The following STK39 variants were observed in gnomAD, a reference collection of about 807,000 sequenced individuals.
The protein encoded by STK39 is STE20/SPS1-related proline-alanine-rich protein kinase.
A neutral mutation model predicts 77.8 loss-of-function variants in STK39; 20 were observed. The ratio of observed to expected loss-of-function variants is 0.26; its 90% CI spans 0.18 to 0.37. The LOEUF (loss-of-function observed/expected upper bound fraction) is 0.37, where lower values mean the gene tolerates loss of function less well. Among genes scored for constraint, STK39 ranks in the 10% least tolerant of loss-of-function variants. The pLI, the probability that STK39 is intolerant of heterozygous loss-of-function variation, is 1.00. For missense variants in STK39, 479 were observed against 656.5 expected, an observed-to-expected ratio of 0.73 and a Z score of 2.95; for synonymous variants, 246 against 234.1, an observed-to-expected ratio of 1.05 and a Z score of -0.47.
At chr2:168,136,615 A>G (rs1687849342) in intron 8 of STK39, among the ~76,000 whole-genome samples, 1 of 152,206 alleles carries the variant, frequency 6.6e-6, no homozygotes, top group Non-Finnish European at 1.5e-5. Context: ...ACCATCTATA[A>G]TAACCTAGTA....
intron 12 of STK39, among the ~76,000 whole-genome samples, 200 bp downstream of exon 12, chr2:168,074,782 G>T (rs993269930): frequency 6.6e-6 from 1 of 152,116 alleles, no homozygotes; most frequent in African/African-American, 2.4e-5. Context: ...GAGGAAACAG[G>T]CTCAGAAAGC....
intron 5 of STK39, among the ~76,000 whole-genome samples, chr2:168,147,296 T>C (rs1189438675): frequency 6.6e-6 from 1 of 152,250 alleles, no homozygotes; most frequent in Non-Finnish European, 1.5e-5. Flanking sequence ...AATTGAAATG[T>C]TCTTCTAAAC....
At chr2:168,023,404 C>T (rs1684618679) in intron 14 of STK39, among the ~76,000 whole-genome samples, 1 of 152,016 alleles carries the variant, frequency 6.6e-6, no homozygotes, top group Non-Finnish European at 1.5e-5. Context: ...GGCTAAGAGG[C>T]TGGTAATGCA....
chr2:168,006,584 A>G (rs1416585227), intron 16 of STK39, among the ~76,000 whole-genome samples: 1 of 152,162 alleles, frequency 6.6e-6, no homozygotes, highest in African/African-American at 2.4e-5. Flanking sequence ...AGGGACTCAG[A>G]TTTGGTCTCT....
At chr2:168,048,434 G>T (rs971395577) in intron 14 of STK39, among the ~76,000 whole-genome samples, 6 of 151,966 alleles carry the variant, frequency 3.9e-5, no homozygotes, top group African/African-American at 1.5e-4. Context: ...GGACGGTCTC[G>T]ATCTCCTGAC....
rs558952440 is a variant in STK39 at position 168,122,103 on chromosome 2, C to T, written c.1089+7438G>A. Among the ~76,000 whole-genome samples the T allele has an allele frequency of 9.9e-5, 15 of 152,176 alleles. No homozygotes were observed. The South Asian group carries it at 1.0e-3, about 11-fold the overall frequency. ...TTTACAGGTAAATTACGTGTTGTGG[C>T]GGTTTGGTGTACAGATTATTTCATC... On this transcript the variant is annotated intron_variant, in intron 10 of 17. Transcript: ENST00000355999.
chr2:168,196,193 C>T (rs1689465113), intron 1 of STK39, among the ~76,000 whole-genome samples: 1 of 152,226 alleles, frequency 6.6e-6, no homozygotes, highest in Non-Finnish European at 1.5e-5. Flanking sequence ...ATGATCACCT[C>T]AATTTACATC....
intron 10 of STK39, among the ~76,000 whole-genome samples, chr2:168,106,084 T>C (rs943120828): frequency 2.6e-5 from 4 of 152,214 alleles, no homozygotes; most frequent in African/African-American, 7.2e-5. Context: ...TGCCTCAGCC[T>C]CCTGAGTAGC....
chr2:168,036,766 G>A (rs996451597), intron 14 of STK39, among the ~76,000 whole-genome samples: 1 of 152,192 alleles, frequency 6.6e-6, no homozygotes, highest in African/African-American at 2.4e-5. Context: ...CTTAATGATA[G>A]AGCAAGGGTG....
chr2:168,234,939 G>A (rs1293661316), intron 1 of STK39, among the ~76,000 whole-genome samples: 1 of 150,358 alleles, frequency 6.7e-6, no homozygotes, highest in Non-Finnish European at 1.5e-5. Context: ...AATCACTTGA[G>A]ACCAGGAGTT....
At chr2:168,073,504 G>C (rs924458730) in intron 12 of STK39, among the ~76,000 whole-genome samples, 2 of 152,182 alleles carry the variant, frequency 1.3e-5, no homozygotes, top group African/African-American at 4.8e-5. Flanking sequence ...AGGAGAAATA[G>C]AGTTCATGAT....
chr2:168,234,032 T>A (rs1010203665), intron 1 of STK39, among the ~76,000 whole-genome samples: 2 of 152,264 alleles, frequency 1.3e-5, no homozygotes, highest in African/African-American at 4.8e-5. Flanking sequence ...AAGAGATGAA[T>A]TGACTAGCTT....
chr2:168,240,912 C>A (rs1245622619), intron 1 of STK39, among the ~76,000 whole-genome samples: 4 of 152,184 alleles, frequency 2.6e-5, no homozygotes, highest in Non-Finnish European at 5.9e-5. Flanking sequence ...TGGCACCTAA[C>A]CCTGCAGAGA....
At chr2:168,163,563 T>C (rs1249461127) in intron 4 of STK39, 176 bp downstream of exon 4, 3 of 979,280 alleles carry the variant, frequency 3.1e-6, no homozygotes, top group Non-Finnish European at 3.6e-6. Flanking sequence ...GCCTGCAACA[T>C]GTGTTTCCTT....
At chr2:168,039,088 T>C (rs1012238087) in intron 14 of STK39, among the ~76,000 whole-genome samples, 2 of 152,174 alleles carry the variant, frequency 1.3e-5, no homozygotes, top group East Asian at 1.9e-4. Flanking sequence ...TACATGAATG[T>C]TCATAGCAGC....
At chr2:168,205,687 C>A (rs1239139236) in intron 1 of STK39, among the ~76,000 whole-genome samples, 1 of 151,922 alleles carries the variant, frequency 6.6e-6, no homozygotes, top group Non-Finnish European at 1.5e-5. Flanking sequence ...GGTGTGGTGG[C>A]ACGTCTCTGT....
intron 14 of STK39, among the ~76,000 whole-genome samples, chr2:168,037,722 T>C (rs749407889): frequency 2.0e-5 from 3 of 152,028 alleles, no homozygotes; most frequent in Non-Finnish European, 4.4e-5. Flanking sequence ...ATGGGAACAA[T>C]AAAAAATATA....
At chr2:168,231,222 A>G (rs1399537567) in intron 1 of STK39, among the ~76,000 whole-genome samples, 1 of 152,208 alleles carries the variant, frequency 6.6e-6, no homozygotes, top group Admixed American at 6.5e-5. Context: ...CCACTGCTTA[A>G]AACATTTTTG....
At chr2:168,219,148 C>T (rs7425023) in intron 1 of STK39, among the ~76,000 whole-genome samples, 30,985 of 151,878 alleles carry the variant, frequency 0.2, 3,981 homozygotes, top group Non-Finnish European at 0.29. Context: ...GGGTCAGGCG[C>T]GGTGGCTCAT....
Sources: gnomAD v4.1 joint callset for allele counts (sites outside exome capture counted in the v4.1 genomes callset) on GRCh38, gnomAD v4.1.1 for gene constraint, MANE v1.5 for transcripts, NCBI Gene and HGNC (gene_info 2026-07-23, HGNC 2026-07-21) for gene names.